Variants in IGF1R observed in about 807,000 individuals in gnomAD.
The protein encoded by IGF1R is insulin-like growth factor 1 receptor.
A neutral mutation model predicts 144.6 loss-of-function variants in IGF1R; 44 were observed. The ratio of observed to expected loss-of-function variants is 0.30; its 90% CI spans 0.24 to 0.39. The LOEUF is 0.39. Among genes scored for constraint, IGF1R ranks in the 10% least tolerant of loss-of-function variants. The pLI is 1.00. For missense variants in IGF1R, 1,355 were observed against 1,833.7 expected (o/e 0.74, Z 4.77); for synonymous variants, 795 against 722.8 (o/e 1.10, Z -1.60).
At chr15:98,767,466 G>T (rs757683289) in intron 2 of IGF1R, among the ~76,000 whole-genome samples, 3 of 152,026 alleles carry the variant, frequency 2.0e-5, no homozygotes, top group Admixed American at 6.5e-5. Flanking sequence ...CCACCTCTTC[G>T]TCATATTTTG....
At chr15:98,686,348 C>T (rs1396732722) in intron 1 of IGF1R, among the ~76,000 whole-genome samples, 1 of 152,224 alleles carries the variant, frequency 6.6e-6, no homozygotes, top group Admixed American at 6.5e-5. Flanking sequence ...TGCTCCCCCG[C>T]TTTGGCTACT....
At chr15:98,689,742 C>G (rs775863637) in intron 1 of IGF1R, among the ~76,000 whole-genome samples, 12 of 152,310 alleles carry the variant, frequency 7.9e-5, no homozygotes, top group Non-Finnish European at 1.6e-4. Context: ...ATATAGGTCT[C>G]TCGGGATGCC....
At chr15:98,877,288 A>G (rs150297724) in intron 2 of IGF1R, among the ~76,000 whole-genome samples, 1 of 152,274 alleles carries the variant, frequency 6.6e-6, no homozygotes, top group African/African-American at 2.4e-5. Flanking sequence ...AAGAGCTCAA[A>G]TTTAAATATA....
At chr15:98,947,359 A>T (rs1020107102) in intron 19 of IGF1R, among the ~76,000 whole-genome samples, 10 of 152,212 alleles carry the variant, frequency 6.6e-5, no homozygotes, top group African/African-American at 2.4e-4. Context: ...GGGCTTGGGC[A>T]CAAGGTCAAG....
intron 1 of IGF1R, among the ~76,000 whole-genome samples, chr15:98,679,749 C>T (rs984142286): frequency 6.6e-6 from 1 of 152,124 alleles, no homozygotes; most frequent in African/African-American, 2.4e-5. Context: ...TAGCCTCAGG[C>T]AGGTCCTTCA....
rs189466820 is a variant in IGF1R, at chr15:98,811,666, C to T, written c.641-79659C>T. Among the ~76,000 whole-genome samples, 580 of 152,190 alleles carry T rather than the reference C, an allele frequency of 3.8e-3. 6 individuals carry two copies. Among genetic ancestry groups the T allele is most frequent in the African/African-American group, 0.013 (550 of 41,528 alleles). ...TATCAGCTGGGCGTGGTGGCTGACGCCTGTAATCCCAGCACTTTGGGAGGC... is the reference window on the plus strand; with the variant it reads ...TATCAGCTGGGCGTGGTGGCTGACGTCTGTAATCCCAGCACTTTGGGAGGC... On this transcript the variant is annotated intron_variant, in intron 2 of 20. Transcript: ENST00000650285.
intron 10 of IGF1R, among the ~76,000 whole-genome samples, chr15:98,917,610 A>G (rs41447449): frequency 0.061 from 9,275 of 152,324 alleles, 598 homozygotes; most frequent in East Asian, 0.31. Flanking sequence ...GTGGCTCAAT[A>G]AAATGGGCTC....
intron 18 of IGF1R, 128 bp downstream of exon 18, chr15:98,939,488 A>T: frequency 1.1e-6 from 1 of 887,426 alleles, no homozygotes; most frequent in Non-Finnish European, 1.9e-6. Flanking sequence ...CCTTCTTGGG[A>T]ATGATGTGAT....
chr15:98,649,054 CCG>C lies in IGF1R; in HGVS notation c.-526_-525del, dbSNP rs1316871077. On this transcript the variant is annotated 5_prime_UTR_variant, in exon 1 of 21. Transcript: ENST00000650285. ...CCAGGAGGAGGAGGAGGAGGGGGAG[CCG>C]CTCATTCATTTTGACTCCGCGTTTC... 1.9e-5 allele frequency: 4 copies of C among 210,146 alleles called. No individual in the cohort carries two copies. Among genetic ancestry groups the C allele is most frequent in the Non-Finnish European group, 3.8e-5 (4 of 106,014 alleles). 13.0% of individuals were successfully genotyped at this position (210,146 alleles called of 1,614,324 possible).
At chr15:98,689,908 G>C (rs1322962797) in intron 1 of IGF1R, among the ~76,000 whole-genome samples, 2 of 152,178 alleles carry the variant, frequency 1.3e-5, no homozygotes, top group Non-Finnish European at 2.9e-5. Context: ...GCAAAGGAGA[G>C]GGATCCTGTG....
intron 2 of IGF1R, among the ~76,000 whole-genome samples, chr15:98,883,646 C>G (rs1030198536): frequency 4.6e-5 from 7 of 152,196 alleles, no homozygotes; most frequent in African/African-American, 1.7e-4. Context: ...AGCATGGTGG[C>G]ACACCTGTCA....
intron 15 of IGF1R, among the ~76,000 whole-genome samples, chr15:98,934,060 A>G (rs2016046405): frequency 6.6e-6 from 1 of 152,176 alleles, no homozygotes; most frequent in Admixed American, 6.5e-5. Context: ...AACCCAGTAT[A>G]TCCAAAATAT....
At chr15:98,777,459 G>C (rs1209066391) in intron 2 of IGF1R, among the ~76,000 whole-genome samples, 1 of 152,220 alleles carries the variant, frequency 6.6e-6, no homozygotes, top group Admixed American at 6.5e-5. Flanking sequence ...ACAAAATGCT[G>C]GTTAAGGACA....
intron 12 of IGF1R, 114 bp downstream of exon 12, chr15:98,924,126 C>T (rs766554196): frequency 5.6e-6 from 6 of 1,079,082 alleles, no homozygotes; most frequent in African/African-American, 1.5e-5. Context: ...CAATAAAATC[C>T]ATGCCAAGTT....
chr15:98,699,562 T>C (rs2141245956), intron 1 of IGF1R, among the ~76,000 whole-genome samples: 1 of 152,336 alleles, frequency 6.6e-6, no homozygotes, highest in Non-Finnish European at 1.5e-5. Flanking sequence ...AATACAGCTC[T>C]GCACCAATTC....
intron 2 of IGF1R, among the ~76,000 whole-genome samples, chr15:98,797,849 C>T (rs183749517): frequency 6.6e-6 from 1 of 152,234 alleles, no homozygotes; most frequent in Non-Finnish European, 1.5e-5. Context: ...AAAATAATGT[C>T]AGACAGTGGT....
intron 19 of IGF1R, among the ~76,000 whole-genome samples, chr15:98,945,341 G>T (rs1465161155): frequency 6.6e-6 from 1 of 152,230 alleles, no homozygotes; most frequent in Non-Finnish European, 1.5e-5. Context: ...GTGGGCCATT[G>T]CTACCATCCC....
intron 1 of IGF1R, among the ~76,000 whole-genome samples, chr15:98,663,981 C>T (rs1413533337): frequency 3.9e-5 from 6 of 152,222 alleles, no homozygotes; most frequent in Non-Finnish European, 5.9e-5. Context: ...CCTTAGCCCA[C>T]GATTAGTGCC....
At position 98,826,224 on chromosome 15, in the gene IGF1R, A is replaced by G. The variant is rs185131227; in HGVS notation, c.641-65101A>G. ...ATTTGTTGCACTAATACTTATGTGC[A>G]TACGCTGAAATAATCTAAATATTTA... On this transcript the variant is annotated intron_variant, in intron 2 of 20. Transcript: ENST00000650285. Among the ~76,000 whole-genome samples the G allele has an allele frequency of 2.2e-3, 341 of 152,372 alleles. 2 individuals carry two copies. Among genetic ancestry groups the G allele is most frequent in the African/African-American group, 6.9e-3 (288 of 41,582 alleles).
Sources: gnomAD v4.1 joint callset for allele counts (sites outside exome capture counted in the v4.1 genomes callset) on GRCh38, gnomAD v4.1.1 for gene constraint, MANE v1.5 for transcripts, NCBI Gene and HGNC (gene_info 2026-07-23, HGNC 2026-07-21) for gene names.